Variants in TMEM117 observed in about 807,000 individuals in gnomAD.
The protein encoded by TMEM117 is transmembrane protein 117.
Under a neutral mutation model 52.4 loss-of-function variants are expected in TMEM117, and 27 were observed. The ratio of observed to expected loss-of-function variants is 0.51; its 90% confidence interval spans 0.38 to 0.71. The LOEUF (loss-of-function observed/expected upper bound fraction) is 0.71, where lower values mean the gene tolerates loss of function less well. Among genes scored for constraint, TMEM117 ranks in the 30% least tolerant of loss-of-function variants. The pLI is 0.00. For missense variants in TMEM117, 556 were observed against 630.5 expected (o/e 0.88, Z 1.26); for synonymous variants, 215 against 206.3 (o/e 1.04, Z -0.36).
intron 1 of TMEM117, among the ~76,000 whole-genome samples, chr12:43,841,211 G>A (rs1405865569): frequency 6.6e-6 from 1 of 152,184 alleles, no homozygotes; most frequent in Non-Finnish European, 1.5e-5. Flanking sequence ...AGTTGAAATT[G>A]TTAGTGGAAA....
chr12:44,106,775 T>C (rs1947962919), intron 3 of TMEM117, among the ~76,000 whole-genome samples: 1 of 152,026 alleles, frequency 6.6e-6, no homozygotes, highest in African/African-American at 2.4e-5. Context: ...AGATATTGAG[T>C]ATTTCACATG....
intron 3 of TMEM117, among the ~76,000 whole-genome samples, chr12:44,003,047 A>G (rs1334068086): frequency 6.6e-6 from 1 of 151,940 alleles, no homozygotes; most frequent in African/African-American, 2.4e-5. Context: ...TTTCTCCCCA[A>G]CCCTGCCTGC....
chr12:44,171,294 C>G (rs188222279), intron 4 of TMEM117, among the ~76,000 whole-genome samples: 1,744 of 152,224 alleles, frequency 0.011, 22 homozygotes, highest in South Asian at 0.052. Flanking sequence ...GGATTACAGG[C>G]GTGAGCCACC....
At chr12:44,218,980 C>T (rs930737949) in intron 5 of TMEM117, among the ~76,000 whole-genome samples, 7 of 151,962 alleles carry the variant, frequency 4.6e-5, no homozygotes, top group South Asian at 4.2e-4. Flanking sequence ...CACTGTATGG[C>T]GACAGTTATT....
At chr12:44,247,297 T>C (rs1177274994) in intron 5 of TMEM117, among the ~76,000 whole-genome samples, 1 of 152,192 alleles carries the variant, frequency 6.6e-6, no homozygotes, top group East Asian at 1.9e-4. Flanking sequence ...TGCTACTGTG[T>C]TATAATACCA....
intron 3 of TMEM117, among the ~76,000 whole-genome samples, chr12:44,035,381 G>A (rs56227915): frequency 0.097 from 14,779 of 152,160 alleles, 1,119 homozygotes; most frequent in African/African-American, 0.21. Flanking sequence ...TTTATTGAGT[G>A]TTACTGTATG....
intron 6 of TMEM117, among the ~76,000 whole-genome samples, chr12:44,309,686 T>C (rs1329975088): frequency 6.6e-6 from 1 of 151,742 alleles, no homozygotes; most frequent in African/African-American, 2.4e-5. Context: ...AGGATAATAT[T>C]ATTAATATTA....
At chr12:44,161,272 C>A (rs1948894685) in intron 4 of TMEM117, among the ~76,000 whole-genome samples, 2 of 152,032 alleles carry the variant, frequency 1.3e-5, no homozygotes, top group Admixed American at 6.6e-5. Context: ...ATAAAGATAA[C>A]CTATCATATT....
intron 1 of TMEM117, among the ~76,000 whole-genome samples, chr12:43,838,421 T>C (rs1479481164): frequency 6.6e-6 from 1 of 152,026 alleles, no homozygotes; most frequent in Admixed American, 6.6e-5. Context: ...TTTGAAAGTT[T>C]GTAGCTCTTT....
chr12:44,134,291 C>G (rs1008770752), intron 3 of TMEM117, among the ~76,000 whole-genome samples: 1 of 152,064 alleles, frequency 6.6e-6, no homozygotes, highest in Non-Finnish European at 1.5e-5. Flanking sequence ...AAGGCTTGCT[C>G]GCTGTAGCGT....
chr12:43,828,537 C>T, the TMEM117 span, among the ~76,000 whole-genome samples: 2 of 152,184 alleles, frequency 1.3e-5, no homozygotes, highest in African/African-American at 4.8e-5. Context: ...GAGGATGGCT[C>T]TTACTGTTTT....
chr12:43,953,507 T>C (rs1169759970), intron 3 of TMEM117, among the ~76,000 whole-genome samples: 1 of 152,022 alleles, frequency 6.6e-6, no homozygotes, highest in Non-Finnish European at 1.5e-5. Flanking sequence ...AATCCTAGCT[T>C]CTGACAAAAT....
At chr12:43,908,821 A>T (rs1351496749) in intron 2 of TMEM117, among the ~76,000 whole-genome samples, 2 of 150,150 alleles carry the variant, frequency 1.3e-5, no homozygotes, top group African/African-American at 4.9e-5. Context: ...TATGCACCCA[A>T]TACAGGAGCA....
intron 2 of TMEM117, among the ~76,000 whole-genome samples, chr12:43,845,885 T>C (rs113391042): frequency 0.052 from 7,971 of 152,304 alleles, 334 homozygotes; most frequent in African/African-American, 0.11. Flanking sequence ...TCTTTTCTTA[T>C]GGCTACATAG....
At chr12:43,952,322 G>T (rs1471302794) in intron 3 of TMEM117, among the ~76,000 whole-genome samples, 1 of 152,112 alleles carries the variant, frequency 6.6e-6, no homozygotes, top group East Asian at 1.9e-4. Flanking sequence ...GCTTTAGAGA[G>T]TGGGTTATAA....
At chr12:43,832,711 A>G (rs756989001), upstream of TMEM117, among the ~76,000 whole-genome samples, 2 of 152,174 alleles carry the variant, frequency 1.3e-5, no homozygotes, top group Non-Finnish European at 2.9e-5. Flanking sequence ...AGAGGTTAAA[A>G]CGTGGGCTGA....
At chr12:44,004,236 G>T (rs1244175859) in intron 3 of TMEM117, among the ~76,000 whole-genome samples, 1 of 148,146 alleles carries the variant, frequency 6.8e-6, no homozygotes, top group African/African-American at 2.5e-5. Flanking sequence ...GATTATAACA[G>T]GGGTAAGCAG....
At chr12:44,152,434 T>A (rs1266029000) in intron 4 of TMEM117, among the ~76,000 whole-genome samples, 4 of 115,590 alleles carry the variant, frequency 3.5e-5, no homozygotes, top group Admixed American at 3.2e-4. Flanking sequence ...ATTTATATAT[T>A]ATATTTATAT....
At position 44,010,739 on chromosome 12, in the gene TMEM117, G is replaced by A. The variant is rs989232182; in HGVS notation, c.410+66397G>A. On this transcript the variant is annotated intron_variant, in intron 3 of 7. Transcript: ENST00000266534. ...TCCAAGTCCCTTTTCCAATAACACT[G>A]TACCACTTGATGGGTAGTGCATGTA... 6.8e-4 allele frequency among the ~76,000 whole-genome samples: 104 copies of A among 152,166 alleles called. 1 individual carries two copies. Among genetic ancestry groups the A allele is most frequent in the African/African-American group, 2.5e-3 (102 of 41,512 alleles).
Sources: allele counts gnomAD v4.1 joint callset (sites outside exome capture counted in the v4.1 genomes callset), GRCh38; gene constraint gnomAD v4.1.1; transcripts MANE v1.5; gene names NCBI Gene and HGNC (gene_info 2026-07-23, HGNC 2026-07-21).